The following GUF1 variants were observed in gnomAD, a reference collection of about 807,000 sequenced individuals.
GUF1 encodes the protein GTP binding elongation factor GUF1, also known as translation factor GUF1, mitochondrial.
GUF1 carries 78 observed loss-of-function variants against 82.4 expected under a neutral mutation model. That is an observed-to-expected ratio of 0.95 (90% confidence interval 0.79 to 1.14). The LOEUF is 1.14. Among genes scored for constraint, GUF1 ranks in the 50% most tolerant of loss-of-function variants. The pLI, the probability that GUF1 is intolerant of heterozygous loss-of-function variation, is 0.00. For synonymous variants in GUF1, 279 were observed against 282.3 expected (o/e 0.99, Z 0.12); for missense variants, 814 against 798.2 (o/e 1.02, Z -0.24).
At chr4:44,687,923 T>C in intron 8 of GUF1, 84 bp from the exon 9 acceptor site, 1 of 1,249,374 alleles carries the variant, frequency 8.0e-7, no homozygotes. Context: ...TGTATGATAG[T>C]TTCCTGGGAA....
chr4:44,678,689 G>T lies in GUF1; in HGVS notation c.67G>T (p.Ala23Ser). ...RALAPRATGA[A>S]LLVAPGPRSA... Reference sequence around the variant, plus strand: ...TCTCGCGCCACGAGCCACTGGGGCCGCGCTTCTGGTGGCCCCGGGGCCCCG... The same window carrying T: ...TCTCGCGCCACGAGCCACTGGGGCCTCGCTTCTGGTGGCCCCGGGGCCCCG... Residue 23 changes from alanine to serine, a missense_variant, in exon 1 of 17, where the codon GCG becomes TCG. Coordinates refer to ENST00000281543, the MANE Select transcript of GUF1 (RefSeq NM_021927.3). The T allele has an allele frequency of 6.7e-7, 1 of 1,502,994 alleles. No homozygotes were observed. Among genetic ancestry groups the T allele is most frequent in the Middle Eastern group, 1.8e-4 (1 of 5,524 alleles). The allele number at this position is 1,502,994 out of a possible 1,614,324, so 93.1% of individuals were successfully genotyped here.
At chr4:44,681,901 A>G (rs1714792952) in intron 4 of GUF1, among the ~76,000 whole-genome samples, 1 of 152,116 alleles carries the variant, frequency 6.6e-6, no homozygotes, top group African/African-American at 2.4e-5. Flanking sequence ...GGTCCTTGAG[A>G]GTCCATGTTA....
intron 14 of GUF1, 137 bp downstream of exon 14, chr4:44,694,650 CTT>C: frequency 1.7e-6 from 1 of 597,532 alleles, no homozygotes. Context: ...TTTGCTTTCT[CTT>C]TTTTTTCCAC....
chr4:44,694,150 C>A, intron 13 of GUF1: 1 of 359,094 alleles, frequency 2.8e-6, no homozygotes, highest in South Asian at 3.0e-5. Context: ...TTCAATAAAC[C>A]ATTTTCTTTG....
chr4:44,681,637 G>A (rs570996726), intron 4 of GUF1, among the ~76,000 whole-genome samples: 1 of 152,184 alleles, frequency 6.6e-6, no homozygotes, highest in Admixed American at 6.5e-5. Flanking sequence ...ACATTACTAA[G>A]CTCTTTTGTT....
rs1229515656 is a variant in GUF1 at position 44,699,038 on chromosome 4, G to GT, written c.*358dup. On this transcript the variant is annotated 3_prime_UTR_variant, in exon 17 of 17. Transcript: ENST00000281543. Reference sequence around the variant, plus strand: ...CAAGACACATAGTAAGCACTCAATTGTAACTACAGTTAAGTCCTTAAATGC... The same window carrying GT: ...CAAGACACATAGTAAGCACTCAATTGTTAACTACAGTTAAGTCCTTAAATGC... 1 of 164,354 alleles carries GT rather than the reference G, an allele frequency of 6.1e-6. No homozygotes were observed. Among genetic ancestry groups the GT allele is most frequent in the Non-Finnish European group, 1.3e-5 (1 of 76,534 alleles). 10.2% of individuals were successfully genotyped at this position (164,354 alleles called of 1,614,324 possible).
At chr4:44,689,217 C>T in intron 9 of GUF1, 69 bp from the exon 10 acceptor site, 1 of 1,360,206 alleles carries the variant, frequency 7.4e-7, no homozygotes, top group Non-Finnish European at 9.6e-7. Context: ...CTTGGCAGCA[C>T]TACACATGTG....
chr4:44,696,643 T>C (rs774634386), intron 15 of GUF1, among the ~76,000 whole-genome samples: 3 of 152,198 alleles, frequency 2.0e-5, no homozygotes, highest in South Asian at 4.1e-4. Flanking sequence ...CATGTTAATA[T>C]AGACTTGAGG....
intron 10 of GUF1, 65 bp from the exon 11 acceptor site, chr4:44,689,778 T>TAA (rs11373408): frequency 0.068 from 70,526 of 1,037,508 alleles, 1 homozygote; most frequent in Non-Finnish European, 0.075. Flanking sequence ...ATATGTTCAT[T>TAA]AAAAAAAAAA....
Position 44,689,849 on chromosome 4 carries a change from A to C in GUF1, c.1209A>C (p.Gly403=). 1 of 1,600,508 alleles carries C rather than the reference A, an allele frequency of 6.2e-7. No individual in the cohort carries two copies. Among genetic ancestry groups the C allele is most frequent in the Non-Finnish European group, 8.5e-7 (1 of 1,171,790 alleles). ...SLALGAGWRL[G]FLGLLHMEVF... Reference sequence around the variant, plus strand: ...TTGTCTTTTCCTCCCCCAGGCTAGGATTTCTTGGACTTTTGCACATGGAAG... The same window carrying C: ...TTGTCTTTTCCTCCCCCAGGCTAGGCTTTCTTGGACTTTTGCACATGGAAG... Residue 403 remains glycine (G), a synonymous_variant, in exon 11 of 17, where the codon GGA becomes GGC. Transcript: ENST00000281543.
chr4:44,689,282 C>T lies in GUF1; in HGVS notation c.1079-4C>T. ...GTGATAATTAGAAATCATTGTATCCCCAGGAATGTATCCTCTAGACCAATC... is the reference window on the plus strand; with the variant it reads ...GTGATAATTAGAAATCATTGTATCCTCAGGAATGTATCCTCTAGACCAATC... On this transcript the variant is annotated splice_polypyrimidine_tract_variant and splice_region_variant and intron_variant, in intron 9 of 16. Transcript: ENST00000281543. 2.5e-6 allele frequency: 4 copies of T among 1,579,910 alleles called. No homozygotes were observed. Among genetic ancestry groups the T allele is most frequent in the Non-Finnish European group, 3.4e-6 (4 of 1,161,980 alleles).
Position 44,700,869 on chromosome 4 carries a change from A to C in GUF1, c.*2188A>C, listed in dbSNP as rs1188250080. On this transcript the variant is annotated 3_prime_UTR_variant, in exon 17 of 17. Transcript: ENST00000281543. The stretch of plus-strand genomic sequence containing the variant: ...CTGATAAAAACAGATGAAATCTGAA[A>C]GACCATGACAGTAGTATTTTGAAAA... 2 of 152,228 alleles carry C rather than the reference A, an allele frequency of 1.3e-5. No individual in the cohort carries two copies. The highest frequency in any genetic ancestry group is 2.9e-5 in the Non-Finnish European group (2 of 68,044). The allele number at this position is 152,228 out of a possible 1,614,324, so 9.4% of individuals were successfully genotyped here.
chr4:44,694,334 T>C, intron 13 of GUF1, 78 bp from the exon 14 acceptor site: 1 of 841,038 alleles, frequency 1.2e-6, no homozygotes, highest in Middle Eastern at 2.5e-4. Flanking sequence ...AAAGTAGACA[T>C]TTAGTAAAGA....
intron 4 of GUF1, among the ~76,000 whole-genome samples, chr4:44,681,769 C>A (rs553908999): frequency 6.6e-6 from 1 of 151,962 alleles, no homozygotes; most frequent in Admixed American, 6.6e-5. Flanking sequence ...TGGTGGTGAC[C>A]GTGTTGTGTT....
intron 6 of GUF1, 54 bp from the exon 7 acceptor site, chr4:44,685,905 G>T: frequency 8.0e-7 from 1 of 1,246,894 alleles, no homozygotes; most frequent in Non-Finnish European, 1.2e-6. Context: ...CATCAAGATA[G>T]AAAAGTATAG....
At chr4:44,688,632 T>C (rs574369750) in intron 9 of GUF1, among the ~76,000 whole-genome samples, 2 of 152,022 alleles carry the variant, frequency 1.3e-5, no homozygotes, top group East Asian at 3.9e-4. Context: ...GAAGACCTGA[T>C]TGAAGGTCAT....
chr4:44,678,814 G>T, intron 1 of GUF1, 27 bp downstream of exon 1: 2 of 1,537,596 alleles, frequency 1.3e-6, no homozygotes, highest in Non-Finnish European at 1.7e-6. Flanking sequence ...ATCTGATTTA[G>T]CCAAGTTTTC....
At chr4:44,698,193 C>A (rs890328332) in intron 16 of GUF1, among the ~76,000 whole-genome samples, 5 of 152,096 alleles carry the variant, frequency 3.3e-5, no homozygotes, top group African/African-American at 1.2e-4. Context: ...ATGATCAATT[C>A]TTTCTCCAAA....
At chr4:44,694,952 G>A (rs1452307085) in intron 14 of GUF1, among the ~76,000 whole-genome samples, 4 of 151,956 alleles carry the variant, frequency 2.6e-5, no homozygotes, top group Admixed American at 1.3e-4. Context: ...GACTACAAGC[G>A]CATGCTACCA....
Sources: gnomAD v4.1 joint callset for allele counts (sites outside exome capture counted in the v4.1 genomes callset) on GRCh38, gnomAD v4.1.1 for gene constraint, MANE v1.5 for transcripts, NCBI Gene and HGNC (gene_info 2026-07-23, HGNC 2026-07-21) for gene names.